Variants in LINC00305 observed in about 807,000 individuals in gnomAD.
LINC00305 encodes long intergenic non-protein coding RNA 305.
chr18:64,092,059 AG>A (rs920236728), intron 3 of LINC00305, among the ~76,000 whole-genome samples: 3 of 152,234 alleles, frequency 2.0e-5, no homozygotes, highest in African/African-American at 7.2e-5. Flanking sequence ...TTCTGCCCTT[AG>A]GAAACTTAAA....
intron 3 of LINC00305, among the ~76,000 whole-genome samples, chr18:64,083,464 TA>T (rs1397189639): frequency 1.3e-5 from 2 of 152,242 alleles, no homozygotes. Context: ...ATTTAAACTC[TA>T]TAGTCTTCAA....
intron 1 of LINC00305, among the ~76,000 whole-genome samples, chr18:64,126,582 A>G (rs915958123): frequency 6.6e-6 from 1 of 152,122 alleles, no homozygotes; most frequent in African/African-American, 2.4e-5. Context: ...TTAATAATTT[A>G]TTCATTCATC....
intron 1 of LINC00305, among the ~76,000 whole-genome samples, chr18:64,132,493 C>T (rs975232381): frequency 6.6e-6 from 1 of 152,102 alleles, no homozygotes; most frequent in African/African-American, 2.4e-5. Flanking sequence ...TTGTATAAAC[C>T]TTAGATAATT....
intron 1 of LINC00305, among the ~76,000 whole-genome samples, chr18:64,141,277 A>G (rs2051461940): frequency 6.6e-6 from 1 of 152,142 alleles, no homozygotes; most frequent in African/African-American, 2.4e-5. Flanking sequence ...CCTAAGGTAT[A>G]TTTTGGGTTT....
intron 3 of LINC00305, among the ~76,000 whole-genome samples, chr18:64,081,770 TA>T (rs747495770): frequency 6.6e-6 from 1 of 152,150 alleles, no homozygotes; most frequent in East Asian, 1.9e-4. Context: ...GTGAACAATT[TA>T]AAAAAACATC....
intron 3 of LINC00305, among the ~76,000 whole-genome samples, chr18:64,084,419 G>C (rs1038952578): frequency 7.9e-5 from 12 of 151,992 alleles, no homozygotes; most frequent in Admixed American, 2.6e-4. Flanking sequence ...TGTTACCCTG[G>C]TAACAATACC....
chr18:64,145,363 T>C (rs1019973942), intron 1 of LINC00305, among the ~76,000 whole-genome samples: 9 of 152,144 alleles, frequency 5.9e-5, no homozygotes, highest in African/African-American at 2.2e-4. Context: ...AATCCCTCAC[T>C]AACCTACCCC....
chr18:64,121,305 G>T (rs1201812290), intron 1 of LINC00305, among the ~76,000 whole-genome samples: 1 of 151,838 alleles, frequency 6.6e-6, no homozygotes, highest in South Asian at 2.1e-4. Context: ...CCCAAATAAC[G>T]TACGCTGTAC....
At chr18:64,145,050 T>G (rs1203392081) in intron 1 of LINC00305, among the ~76,000 whole-genome samples, 1 of 152,182 alleles carries the variant, frequency 6.6e-6, no homozygotes, top group Non-Finnish European at 1.5e-5. Flanking sequence ...TACTCCCTTC[T>G]GAGAATTTCT....
intron 1 of LINC00305, among the ~76,000 whole-genome samples, chr18:64,135,970 C>T (rs539353958): frequency 2.7e-4 from 41 of 152,226 alleles, no homozygotes; most frequent in South Asian, 2.1e-4. Flanking sequence ...GAGGGACGGA[C>T]GTGGAGGACT....
chr18:64,129,694 T>C (rs907089566), intron 1 of LINC00305, among the ~76,000 whole-genome samples: 3 of 152,142 alleles, frequency 2.0e-5, no homozygotes, highest in African/African-American at 7.2e-5. Flanking sequence ...TCTGAAAATA[T>C]CCATTATAAT....
At chr18:64,143,424 T>C (rs960874865) in intron 1 of LINC00305, among the ~76,000 whole-genome samples, 2 of 150,922 alleles carry the variant, frequency 1.3e-5, no homozygotes, top group African/African-American at 4.9e-5. Flanking sequence ...TATATGTGTA[T>C]ACCAACAATA....
intron 1 of LINC00305, among the ~76,000 whole-genome samples, chr18:64,145,533 C>T (rs532710571): frequency 6.6e-6 from 1 of 152,146 alleles, no homozygotes; most frequent in Admixed American, 6.5e-5. Flanking sequence ...GAGAGAGCCC[C>T]ATTGCATTGT....
chr18:64,095,008 T>C (rs1184448816), intron 3 of LINC00305, among the ~76,000 whole-genome samples: 2 of 152,104 alleles, frequency 1.3e-5, no homozygotes, highest in African/African-American at 4.8e-5. Context: ...CTCTGAGCCA[T>C]ACAGAGAAGA....
At chr18:64,081,988 TC>T (rs1398010330) in intron 3 of LINC00305, among the ~76,000 whole-genome samples, 1 of 152,174 alleles carries the variant, frequency 6.6e-6, no homozygotes, top group Non-Finnish European at 1.5e-5. Context: ...TTAAACCAAA[TC>T]ACATTTGGTC....
At chr18:64,096,899 CAAT>C (rs1183627099) in intron 3 of LINC00305, among the ~76,000 whole-genome samples, 4 of 151,282 alleles carry the variant, frequency 2.6e-5, no homozygotes, top group Admixed American at 1.3e-4. Flanking sequence ...CAGAGAAGTA[CAAT>C]AATAATAATA....
At chr18:64,091,317 C>A (rs1047878128) in intron 3 of LINC00305, among the ~76,000 whole-genome samples, 2 of 152,220 alleles carry the variant, frequency 1.3e-5, no homozygotes, top group African/African-American at 4.8e-5. Flanking sequence ...TTCACCTGAG[C>A]TCTGTGCTCA....
chr18:64,129,784 T>C (rs572006736), intron 1 of LINC00305, among the ~76,000 whole-genome samples: 44 of 152,278 alleles, frequency 2.9e-4, no homozygotes, highest in African/African-American at 9.9e-4. Flanking sequence ...CTGCTTCTTT[T>C]TTGTAGCTTC....
At chr18:64,109,143 T>C (rs2051304433) in intron 1 of LINC00305, among the ~76,000 whole-genome samples, 1 of 152,170 alleles carries the variant, frequency 6.6e-6, no homozygotes, top group East Asian at 1.9e-4. Flanking sequence ...CTATGGGAGG[T>C]ACTCTATTGA....
Sources: allele counts gnomAD v4.1 joint callset (sites outside exome capture counted in the v4.1 genomes callset), GRCh38; gene constraint gnomAD v4.1.1; transcripts MANE v1.5; gene names NCBI Gene and HGNC (gene_info 2026-07-23, HGNC 2026-07-21).